The following RYR3 variants were observed in gnomAD, a reference collection of about 807,000 sequenced individuals.
RYR3 encodes ryanodine receptor 3.
RYR3 carries 207 observed loss-of-function variants against 584.3 expected under a neutral mutation model. The observed-to-expected ratio is 0.35, with a 90% CI of 0.32 to 0.40. The LOEUF (loss-of-function observed/expected upper bound fraction) is 0.40, where lower values mean the gene tolerates loss of function less well. Among genes scored for constraint, RYR3 ranks in the 10% least tolerant of loss-of-function variants. The pLI, the probability that RYR3 is intolerant of heterozygous loss-of-function variation, is 1.00. For synonymous variants in RYR3, 2,416 were observed against 2,248.5 expected (o/e 1.07, Z -2.11); for missense variants, 5,616 against 6,089.2 (o/e 0.92, Z 2.59).
chr15:33,458,442 C>T (rs76145168), intron 1 of RYR3, among the ~76,000 whole-genome samples: 4,007 of 152,266 alleles, frequency 0.026, 95 homozygotes, highest in African/African-American at 0.057. Context: ...TGGTTCTCAG[C>T]CTGCAGAGGC....
chr15:33,855,296 C>A (rs2079535954), intron 98 of RYR3, among the ~76,000 whole-genome samples: 1 of 152,088 alleles, frequency 6.6e-6, no homozygotes, highest in African/African-American at 2.4e-5. Context: ...CTCCCAGGTC[C>A]CAGTTCAAGC....
intron 1 of RYR3, among the ~76,000 whole-genome samples, chr15:33,416,826 G>C (rs2676045): frequency 6.6e-6 from 1 of 151,938 alleles, no homozygotes; most frequent in Non-Finnish European, 1.5e-5. Context: ...GTGTGAGGTC[G>C]TACATTTAAG....
In RYR3 at chr15:33,701,070, A is replaced by G; in HGVS notation, c.6473A>G (p.Asp2158Gly). 3.1e-6 allele frequency: 5 copies of G among 1,611,426 alleles called. No individual in the cohort carries two copies. Among genetic ancestry groups the G allele is most frequent in the Non-Finnish European group, 4.2e-6 (5 of 1,178,490 alleles). Reference protein sequence around the residue: ...NELALSLEEPDLEKVVTYLAG... With the variant: ...NELALSLEEPGLEKVVTYLAG... ...TTAGCGCTGAGCTTAGAGGAACCAGACCTCGAGAAGGTAACCGGCCCTTGG... is the reference window on the plus strand; with the variant it reads ...TTAGCGCTGAGCTTAGAGGAACCAGGCCTCGAGAAGGTAACCGGCCCTTGG... Residue 2158 changes from aspartate (D) to glycine (G), a missense_variant, in exon 42 of 104, where the codon GAC (aspartate) becomes GGC (glycine). By Grantham distance (94) the Asp-to-Gly change is moderately conservative. This residue lies in a region of RYR3 where 1,280 missense variants were observed against 1,426.2 expected (regional missense o/e 0.90). Coordinates refer to ENST00000634891, the MANE Select transcript of RYR3 (RefSeq NM_001036.6).
chr15:33,808,023 G>T (rs896370100), intron 70 of RYR3, among the ~76,000 whole-genome samples: 1 of 152,134 alleles, frequency 6.6e-6, no homozygotes, highest in Admixed American at 6.5e-5. Context: ...GTCTTCCAAA[G>T]CCTACCCTGG....
rs775837165 is a variant in RYR3, at chr15:33,831,106, G to A, written c.11463+15G>A. On this transcript the variant is annotated intron_variant, in intron 86 of 103. Transcript: ENST00000634891. ...AATACATCCAGGTATGTGCTACAGA[G>A]TGCATGGTTGAAAACAAAGAGAACA... The A allele has an allele frequency of 5.0e-6, 8 of 1,608,686 alleles. No individual in the cohort carries two copies. Among genetic ancestry groups the A allele is most frequent in the Non-Finnish European group, 5.9e-6 (7 of 1,178,272 alleles).
rs918748237 is a variant in RYR3 at position 33,757,419 on chromosome 15, C to T, written c.8584-56C>T. ...CTGAAAATAAACACTTTTAAATGAA[C>T]CAAATGAAGAGTTTTGGATAGCTTC... On this transcript the variant is annotated intron_variant, in intron 59 of 103. Coordinates refer to ENST00000634891, the MANE Select transcript of RYR3 (RefSeq NM_001036.6). 3.9e-6 allele frequency: 6 copies of T among 1,557,552 alleles called. No homozygotes were observed. The African/African-American group carries it at 6.8e-5, about 18-fold the overall frequency.
chr15:33,647,545 T>C, intron 30 of RYR3, 85 bp downstream of exon 30: 1 of 963,012 alleles, frequency 1.0e-6, no homozygotes, highest in Non-Finnish European at 1.6e-6. Context: ...AAGATCCGTC[T>C]AGAGATCCTC....
chr15:33,799,046 C>T (rs540487426), intron 67 of RYR3, among the ~76,000 whole-genome samples: 10 of 151,566 alleles, frequency 6.6e-5, no homozygotes, highest in South Asian at 2.1e-4. Flanking sequence ...CATTTTGAGA[C>T]GCATTTTTTT....
chr15:33,839,251 T>G (rs1318800034), intron 89 of RYR3, among the ~76,000 whole-genome samples: 1 of 152,216 alleles, frequency 6.6e-6, no homozygotes, highest in Non-Finnish European at 1.5e-5. Context: ...AGGTTAGTTC[T>G]CATGCTGTGC....
At chr15:33,463,355 A>AGT (rs1222337393) in intron 1 of RYR3, among the ~76,000 whole-genome samples, 2 of 151,938 alleles carry the variant, frequency 1.3e-5, no homozygotes, top group Non-Finnish European at 2.9e-5. Flanking sequence ...AAACCAAAGG[A>AGT]GTGTGTGCAA....
intron 16 of RYR3, among the ~76,000 whole-genome samples, chr15:33,597,899 C>T (rs2059453102): frequency 6.7e-6 from 1 of 149,036 alleles, no homozygotes; most frequent in African/African-American, 2.5e-5. Flanking sequence ...TATAAAGACT[C>T]CTCCCCCACT....
At chr15:33,653,407 C>T (rs2062613156) in intron 32 of RYR3, among the ~76,000 whole-genome samples, 1 of 152,206 alleles carries the variant, frequency 6.6e-6, no homozygotes, top group South Asian at 2.1e-4. Context: ...CGCAGTGGCT[C>T]ATGCCTGTAA....
At chr15:33,598,778 G>T (rs2059519009) in intron 16 of RYR3, among the ~76,000 whole-genome samples, 1 of 152,140 alleles carries the variant, frequency 6.6e-6, no homozygotes, top group South Asian at 2.1e-4. Flanking sequence ...AGTTGGCTGG[G>T]TGCAGTGGCT....
In RYR3 at chr15:33,669,857, G is replaced by GGGGTGGT. The variant is rs1555401713; in HGVS notation, c.5722+402_5722+403insGGTGGTG. On this transcript the variant is annotated intron_variant, in intron 37 of 103. Coordinates refer to ENST00000634891, the MANE Select transcript of RYR3 (RefSeq NM_001036.6). ...GTGTGTGTGTGTGGGGGGGGGGGGG[G>GGGGTGGT]GTGTGGGTGTGTGGGTGTGTGTGGT... is the stretch of plus-strand genomic sequence containing the variant. Among the ~76,000 whole-genome samples, 14 of 60,220 alleles carry GGGGTGGT rather than the reference G, an allele frequency of 2.3e-4. 2 individuals carry two copies. The highest frequency in any genetic ancestry group is 4.6e-4 in the Admixed American group (2 of 4,358). 39.5% of individuals were successfully genotyped at this position (60,220 alleles called of 152,430 possible).
intron 53 of RYR3, among the ~76,000 whole-genome samples, 182 bp from the exon 54 acceptor site, chr15:33,747,932 A>G (rs12908501): frequency 0.093 from 14,215 of 152,212 alleles, 884 homozygotes; most frequent in East Asian, 0.24. Context: ...TCTTATATCT[A>G]AAAACACCAG....
chr15:33,538,983 C>CTTAT (rs573934919), intron 5 of RYR3, among the ~76,000 whole-genome samples: 3 of 151,820 alleles, frequency 2.0e-5, no homozygotes, highest in Admixed American at 6.6e-5. Context: ...GACATAGATT[C>CTTAT]TTATTTATTT....
intron 1 of RYR3, among the ~76,000 whole-genome samples, chr15:33,409,958 C>G (rs2043289026): frequency 6.6e-6 from 1 of 152,172 alleles, no homozygotes; most frequent in Non-Finnish European, 1.5e-5. Context: ...ATCCAGTGAT[C>G]CTGGAATTTA....
intron 102 of RYR3, among the ~76,000 whole-genome samples, chr15:33,862,705 G>T (rs998785088): frequency 6.6e-6 from 1 of 150,604 alleles, no homozygotes; most frequent in Non-Finnish European, 1.5e-5. Context: ...CCACCTCCTG[G>T]ATTCAAGTGA....
At chr15:33,739,710 G>A (rs536209168) in intron 50 of RYR3, 122 bp from the exon 51 acceptor site, 398 of 741,158 alleles carry the variant, frequency 5.4e-4, no homozygotes, top group Middle Eastern at 2.1e-3. Context: ...CACATTTCCC[G>A]TTTTGGTTAA....
Sources: allele counts gnomAD v4.1 joint callset (sites outside exome capture counted in the v4.1 genomes callset), GRCh38; gene constraint gnomAD v4.1.1; regional missense constraint gnomAD v4.1.1; transcripts MANE v1.5; gene names NCBI Gene and HGNC (gene_info 2026-07-23, HGNC 2026-07-21).